ANGPT1: variants seen among roughly 807,000 people sequenced by gnomAD.
ANGPT1 encodes the protein angiopoietin-1.
Under a neutral mutation model 62.2 loss-of-function variants are expected in ANGPT1, and 17 were observed. The ratio of observed to expected loss-of-function variants is 0.27; its 90% CI spans 0.19 to 0.41. ANGPT1 has a LOEUF of 0.41. Among genes scored for constraint, ANGPT1 ranks in the 10% least tolerant of loss-of-function variants. ANGPT1 has a pLI of 1.00. For synonymous variants in ANGPT1, 199 were observed against 198.9 expected (o/e 1.00, Z 0.00); for missense variants, 478 against 594.9 (o/e 0.80, Z 2.04).
chr8:107,399,800 A>C (rs1375814864), intron 1 of ANGPT1, among the ~76,000 whole-genome samples: 1 of 152,136 alleles, frequency 6.6e-6, no homozygotes, highest in Non-Finnish European at 1.5e-5. Flanking sequence ...CGCAAACACC[A>C]CAATTGCCTT....
chr8:107,321,298 C>G (rs1196506038), intron 4 of ANGPT1, among the ~76,000 whole-genome samples: 1 of 151,974 alleles, frequency 6.6e-6, no homozygotes, highest in African/African-American at 2.4e-5. Flanking sequence ...CAAAGATACC[C>G]CAGAATTAAT....
intron 1 of ANGPT1, among the ~76,000 whole-genome samples, chr8:107,447,703 C>T (rs1811655898): frequency 6.6e-6 from 1 of 152,158 alleles, no homozygotes; most frequent in Admixed American, 6.5e-5. Flanking sequence ...TAGAGGGCCA[C>T]CAGTTCAGTG....
chr8:107,308,556 C>T (rs1468692155), intron 4 of ANGPT1, among the ~76,000 whole-genome samples: 5 of 152,054 alleles, frequency 3.3e-5, no homozygotes, highest in African/African-American at 1.2e-4. Flanking sequence ...GAATATACTC[C>T]TTCTGCCAGG....
chr8:107,264,166 C>T, intron 8 of ANGPT1, 55 bp downstream of exon 8: 1 of 1,560,952 alleles, frequency 6.4e-7, no homozygotes, highest in East Asian at 2.3e-5. Context: ...AGATAAGAAA[C>T]CTTAAGCCCC....
chr8:107,481,712 T>C (rs1812691736), intron 1 of ANGPT1, among the ~76,000 whole-genome samples: 1 of 152,048 alleles, frequency 6.6e-6, no homozygotes, highest in African/African-American at 2.4e-5. Context: ...ACTTACAATC[T>C]TGGCAGAAGG....
chr8:107,473,763 C>T (rs1812427590), intron 1 of ANGPT1, among the ~76,000 whole-genome samples: 1 of 151,946 alleles, frequency 6.6e-6, no homozygotes, highest in South Asian at 2.1e-4. Flanking sequence ...TTTAAGTGGA[C>T]ACAAGTCACA....
chr8:107,356,936 T>C (rs1005874768), intron 1 of ANGPT1, among the ~76,000 whole-genome samples: 1 of 152,210 alleles, frequency 6.6e-6, no homozygotes, highest in Non-Finnish European at 1.5e-5. Context: ...ACCCATTTAA[T>C]AACATATATA....
At chr8:107,415,619 C>T (rs1810718717) in intron 1 of ANGPT1, among the ~76,000 whole-genome samples, 1 of 152,114 alleles carries the variant, frequency 6.6e-6, no homozygotes, top group South Asian at 2.1e-4. Flanking sequence ...TTGCTTTAAC[C>T]AGAAATTTAA....
At chr8:107,425,402 A>G (rs1336504738) in intron 1 of ANGPT1, among the ~76,000 whole-genome samples, 10 of 152,200 alleles carry the variant, frequency 6.6e-5, no homozygotes, top group Admixed American at 6.5e-4. Flanking sequence ...TAATGAGAGA[A>G]ATTTAGAAAG....
At chr8:107,342,796 C>T (rs1203624990) in intron 2 of ANGPT1, among the ~76,000 whole-genome samples, 3 of 71,490 alleles carry the variant, frequency 4.2e-5, no homozygotes, top group Admixed American at 1.5e-4. Context: ...CACACACACA[C>T]ACACACACAC....
intron 1 of ANGPT1, among the ~76,000 whole-genome samples, chr8:107,486,370 C>T (rs957224634): frequency 2.0e-5 from 3 of 152,116 alleles, no homozygotes; most frequent in Non-Finnish European, 2.9e-5. Flanking sequence ...CTCTCTGTAC[C>T]TGCCTCAGTT....
At chr8:107,419,146 A>AT (rs771524976) in intron 1 of ANGPT1, among the ~76,000 whole-genome samples, 129 of 152,224 alleles carry the variant, frequency 8.5e-4, no homozygotes, top group Non-Finnish European at 1.5e-3. Flanking sequence ...AGACAGGGAG[A>AT]TGATGGGGTT....
At chr8:107,277,343 A>G (rs905422934) in intron 7 of ANGPT1, among the ~76,000 whole-genome samples, 5 of 152,168 alleles carry the variant, frequency 3.3e-5, no homozygotes, top group Non-Finnish European at 5.9e-5. Flanking sequence ...AAGGCAGAAA[A>G]ATTTTTATAT....
intron 2 of ANGPT1, among the ~76,000 whole-genome samples, chr8:107,341,607 A>G (rs1270317885): frequency 2.0e-5 from 3 of 148,258 alleles, no homozygotes; most frequent in Non-Finnish European, 3.0e-5. Flanking sequence ...AATATATTTT[A>G]TTTATAATGG....
intron 1 of ANGPT1, among the ~76,000 whole-genome samples, chr8:107,440,449 G>A (rs918577084): frequency 4.7e-4 from 71 of 152,122 alleles, no homozygotes; most frequent in African/African-American, 1.7e-3. Flanking sequence ...AGGTTATTGA[G>A]CAAATAGGTT....
chr8:107,427,471 C>T (rs13264356), intron 1 of ANGPT1, among the ~76,000 whole-genome samples: 13,713 of 152,128 alleles, frequency 0.09, 1,037 homozygotes, highest in East Asian at 0.44. Flanking sequence ...CCTCTTCCTC[C>T]CTGTACTTGC....
Position 107,409,749 on chromosome 8 carries a change from A to T in ANGPT1, c.298-62652T>A, listed in dbSNP as rs78677570. Reference sequence around the variant, plus strand: ...TTTTTTGAAGACTTTTCTGAAGTCCATTATCTTTAGCACTTTATTTCTTTC... The same window carrying T: ...TTTTTTGAAGACTTTTCTGAAGTCCTTTATCTTTAGCACTTTATTTCTTTC... On this transcript the variant is annotated intron_variant, in intron 1 of 8. Transcript: ENST00000517746. 8.6e-3 allele frequency among the ~76,000 whole-genome samples: 1,298 copies of T among 151,340 alleles called. 25 individuals carry two copies. The highest frequency in any genetic ancestry group is 0.029 in the African/African-American group (1,192 of 41,268).
At chr8:107,289,167 T>C (rs1814214153) in intron 6 of ANGPT1, among the ~76,000 whole-genome samples, 1 of 152,166 alleles carries the variant, frequency 6.6e-6, no homozygotes, top group South Asian at 2.1e-4. Context: ...TCTAACGCTC[T>C]AATAAAAGGA....
intron 1 of ANGPT1, among the ~76,000 whole-genome samples, chr8:107,385,215 T>A (rs925785489): frequency 6.6e-6 from 1 of 152,118 alleles, no homozygotes; most frequent in African/African-American, 2.4e-5. Flanking sequence ...GGTAAATTGC[T>A]TTTTGTAGTA....
Sources: allele counts gnomAD v4.1 joint callset (sites outside exome capture counted in the v4.1 genomes callset), GRCh38; gene constraint gnomAD v4.1.1; transcripts MANE v1.5; gene names NCBI Gene and HGNC (gene_info 2026-07-23, HGNC 2026-07-21).